The following APP variants were observed in gnomAD, a reference collection of about 807,000 sequenced individuals.
APP encodes the protein amyloid-beta precursor protein.
APP carries 31 observed loss-of-function variants against 101.4 expected under a neutral mutation model. The observed-to-expected ratio is 0.31, with a 90% CI of 0.23 to 0.41. APP has a LOEUF of 0.41. APP is among the 10% of genes least tolerant of loss of function. The pLI is 1.00. For missense variants in APP, 839 were observed against 1,003.7 expected, an observed-to-expected ratio of 0.84 and a Z score of 2.22; for synonymous variants, 366 against 364.4, an observed-to-expected ratio of 1.00 and a Z score of -0.05.
chr21:26,140,457 CTCTGTCTTGGGTAGAGTAAA>C (rs1187776471), intron 1 of APP: 30 of 1,025,842 alleles, frequency 2.9e-5, no homozygotes, highest in Non-Finnish European at 4.0e-5. Flanking sequence ...GCCTCCGGAA[CTCTGTCTTGGGTAGAGTAAA>C]TCAATTTCCT....
chr21:26,137,736 A>G (rs534223810), intron 1 of APP, among the ~76,000 whole-genome samples: 23 of 152,218 alleles, frequency 1.5e-4, no homozygotes, highest in Non-Finnish European at 2.9e-4. Flanking sequence ...TTCAAATAAT[A>G]TAAGTCAGAG....
intron 5 of APP, among the ~76,000 whole-genome samples, chr21:26,031,391 A>G (rs892744738): frequency 6.6e-6 from 1 of 152,162 alleles, no homozygotes; most frequent in East Asian, 1.9e-4. Flanking sequence ...TTGGGAAAAA[A>G]TAATTGGTTC....
chr21:25,885,996 A>G (rs1238932445), intron 17 of APP, among the ~76,000 whole-genome samples: 1 of 152,110 alleles, frequency 6.6e-6, no homozygotes, highest in Non-Finnish European at 1.5e-5. Context: ...ACATTTTATT[A>G]TGTACAGTAA....
intron 13 of APP, 31 bp from the exon 14 acceptor site, chr21:25,911,993 G>A (rs1177444605): frequency 6.5e-7 from 1 of 1,541,098 alleles, no homozygotes; most frequent in South Asian, 1.1e-5. Context: ...TCTTTGGTGA[G>A]TAACAACAAT....
chr21:26,142,560 G>A (rs1029486090), intron 1 of APP, among the ~76,000 whole-genome samples: 1 of 152,234 alleles, frequency 6.6e-6, no homozygotes, highest in East Asian at 1.9e-4. Context: ...CCTGAGGCCA[G>A]GAGTTCAAGA....
intron 5 of APP, among the ~76,000 whole-genome samples, chr21:26,046,115 C>T (rs145928614): frequency 1.3e-5 from 2 of 151,942 alleles, no homozygotes; most frequent in South Asian, 2.1e-4. Flanking sequence ...TGCCTCCCAC[C>T]GAGTCCCTTC....
At chr21:26,029,716 C>A (rs1264062921) in intron 5 of APP, among the ~76,000 whole-genome samples, 1 of 152,156 alleles carries the variant, frequency 6.6e-6, no homozygotes, top group Non-Finnish European at 1.5e-5. Context: ...TCTTGGCAAA[C>A]TGCAACCCGC....
intron 1 of APP, among the ~76,000 whole-genome samples, chr21:26,155,449 G>A (rs2063356091): frequency 6.6e-6 from 1 of 152,008 alleles, no homozygotes; most frequent in African/African-American, 2.4e-5. Context: ...GTGGCTACTT[G>A]AAAACTTTAA....
chr21:26,095,091 G>A (rs900897376), intron 2 of APP, among the ~76,000 whole-genome samples: 2 of 152,242 alleles, frequency 1.3e-5, no homozygotes, highest in Non-Finnish European at 2.9e-5. Context: ...TGATCCACCC[G>A]CCTTGGCCTC....
At position 26,022,035 on chromosome 21, in the gene APP, T is replaced by C; in HGVS notation, c.670A>G (p.Lys224Glu). The change falls in exon 6 of 18, where the codon AAA (lysine) becomes GAA (glutamate). Residue 224 changes from lysine (K) to glutamate (E), a missense_variant. Transcript: ENST00000346798. The part of the protein sequence containing the change: ...DTDYADGSED[K>E]VVEVAEEEEV... The stretch of plus-strand genomic sequence containing the variant: ...TCCTCCTCTGCTACTTCTACTACTT[T>C]GTCTTCACTGTGAAGGCAAACACAA... 1 of 1,614,102 alleles carries C rather than the reference T, an allele frequency of 6.2e-7. No homozygotes were observed. The highest frequency in any genetic ancestry group is 1.7e-5 in the Admixed American group (1 of 60,020).
chr21:25,921,477 C>T (rs561567328), intron 13 of APP, among the ~76,000 whole-genome samples: 2,851 of 147,648 alleles, frequency 0.019, 42 homozygotes, highest in Non-Finnish European at 0.028. Context: ...ATTGATAGAC[C>T]GCTAGCAAGA....
chr21:26,028,060 G>C (rs2044660061), intron 5 of APP, among the ~76,000 whole-genome samples: 1 of 151,954 alleles, frequency 6.6e-6, no homozygotes, highest in Non-Finnish European at 1.5e-5. Flanking sequence ...GCTGGACGTG[G>C]GGGTGCACGC....
chr21:26,168,180 A>G (rs762330479), intron 1 of APP, among the ~76,000 whole-genome samples: 1 of 152,204 alleles, frequency 6.6e-6, no homozygotes, highest in African/African-American at 2.4e-5. Flanking sequence ...TCAACATACC[A>G]GCCAAAATCA....
intron 3 of APP, among the ~76,000 whole-genome samples, chr21:26,067,100 C>T (rs982938933): frequency 6.6e-6 from 1 of 152,014 alleles, no homozygotes; most frequent in African/African-American, 2.4e-5. Flanking sequence ...ATAATAGAGG[C>T]CACATATCTA....
At position 26,049,222 on chromosome 21, in the gene APP, A is replaced by C. The variant is rs1259405079; in HGVS notation, c.662+1778T>G. Among the ~76,000 whole-genome samples the C allele has an allele frequency of 2.0e-5, 3 of 152,144 alleles. No individual in the cohort carries two copies. In the East Asian group the frequency reaches 5.8e-4, roughly 29 times the overall value. ...ACTGAAAATGCAAGAAAGGGAGAGG[A>C]GATGATTGAGAGTCCAGCAGAACAT... On this transcript the variant is annotated intron_variant, in intron 5 of 17. Coordinates refer to ENST00000346798, the MANE Select transcript of APP (RefSeq NM_000484.4).
chr21:26,025,699 G>T lies in APP; in HGVS notation c.663-3657C>A, dbSNP rs78014371. Among the ~76,000 whole-genome samples, 173 of 152,302 alleles carry T rather than the reference G, an allele frequency of 1.1e-3. No homozygotes were observed. The East Asian group carries it at 0.033, about 29-fold the overall frequency. On this transcript the variant is annotated intron_variant, in intron 5 of 17. Transcript: ENST00000346798. ...AATTATATGCCCATCATCCATCCCTGCATCTGCCTGAGCAATTTACTGGCA... is the reference window on the plus strand; with the variant it reads ...AATTATATGCCCATCATCCATCCCTTCATCTGCCTGAGCAATTTACTGGCA...
At chr21:26,087,503 T>G (rs919772960) in intron 3 of APP, among the ~76,000 whole-genome samples, 4 of 152,322 alleles carry the variant, frequency 2.6e-5, no homozygotes, top group Non-Finnish European at 5.9e-5. Context: ...ACTTTTTGAA[T>G]TATGTACCTC....
At chr21:26,002,533 C>G (rs2043345047) in intron 6 of APP, among the ~76,000 whole-genome samples, 1 of 152,248 alleles carries the variant, frequency 6.6e-6, no homozygotes, top group South Asian at 2.1e-4. Context: ...TTTAACGTTT[C>G]TAAGACACAA....
At chr21:25,952,588 A>C (rs2041137167) in intron 13 of APP, among the ~76,000 whole-genome samples, 1 of 152,154 alleles carries the variant, frequency 6.6e-6, no homozygotes, top group African/African-American at 2.4e-5. Context: ...AAGTTCTAAT[A>C]ATTTAATTAT....
Sources: gnomAD v4.1 joint callset for allele counts (sites outside exome capture counted in the v4.1 genomes callset) on GRCh38, gnomAD v4.1.1 for gene constraint, MANE v1.5 for transcripts, NCBI Gene and HGNC (gene_info 2026-07-23, HGNC 2026-07-21) for gene names.